The following AHI1 variants were observed in gnomAD, a reference collection of about 807,000 sequenced individuals.
AHI1 encodes the protein jouberin.
In AHI1, 123 loss-of-function variants were observed where a neutral mutation model predicts 149.3. The ratio of observed to expected loss-of-function variants is 0.82; its 90% CI spans 0.71 to 0.96. AHI1 has a LOEUF of 0.96. Among genes scored for constraint, AHI1 ranks in the 40% least tolerant of loss-of-function variants. The pLI is 0.00. For synonymous variants in AHI1, 475 were observed against 459.8 expected, an observed-to-expected ratio of 1.03 and a Z score of -0.42; for missense variants, 1,439 against 1,422.7, an observed-to-expected ratio of 1.01 and a Z score of -0.18.
At chr6:135,356,907 A>G (rs1002689810) in intron 24 of AHI1, among the ~76,000 whole-genome samples, 2 of 152,196 alleles carry the variant, frequency 1.3e-5, no homozygotes, top group African/African-American at 4.8e-5. Context: ...GCATATATTA[A>G]TCATCAACAC....
chr6:135,374,296 T>G (rs552473349), intron 23 of AHI1, among the ~76,000 whole-genome samples: 1 of 151,314 alleles, frequency 6.6e-6, no homozygotes, highest in Non-Finnish European at 1.5e-5. Context: ...GTATTTTTAG[T>G]AGAGACGGGG....
intron 25 of AHI1, among the ~76,000 whole-genome samples, chr6:135,320,207 C>T (rs984647213): frequency 2.6e-5 from 4 of 151,722 alleles, no homozygotes; most frequent in African/African-American, 9.7e-5. Context: ...TCATTACAGT[C>T]GCAGATTTTT....
At chr6:135,369,084 C>CAAGA (rs796511446) in intron 23 of AHI1, among the ~76,000 whole-genome samples, 17 of 152,320 alleles carry the variant, frequency 1.1e-4, no homozygotes, top group African/African-American at 4.1e-4. Context: ...ACCAAGAGTG[C>CAAGA]CCACAGGGCT....
intron 23 of AHI1, among the ~76,000 whole-genome samples, chr6:135,392,548 C>T (rs748336283): frequency 3.3e-5 from 5 of 152,116 alleles, no homozygotes; most frequent in Non-Finnish European, 7.4e-5. Flanking sequence ...AGGCAAATAT[C>T]GACAGATGTG....
rs758409366 is a variant in AHI1 at position 135,387,787 on chromosome 6, C to T, written c.3109+6989G>A. ...AAAAAATCAAAAAAGCCTCCCATAA[C>T]CTCATACTGTTTATTCTCCCAATAT... is the stretch of plus-strand genomic sequence containing the variant. On this transcript the variant is annotated intron_variant, in intron 23 of 28. Transcript: ENST00000265602. 1.3e-4 allele frequency: 168 copies of T among 1,313,798 alleles called. 1 individual carries two copies. The highest frequency in any genetic ancestry group is 1.6e-4 in the Non-Finnish European group (160 of 1,029,866). The allele number at this position is 1,313,798 out of a possible 1,614,324, so 81.4% of individuals were successfully genotyped here.
chr6:135,454,108 C>CT (rs960419622), intron 10 of AHI1, among the ~76,000 whole-genome samples: 1 of 151,996 alleles, frequency 6.6e-6, no homozygotes, highest in Non-Finnish European at 1.5e-5. Flanking sequence ...ATACCTAAAT[C>CT]TTTTTTACAG....
At chr6:135,396,683 G>C (rs1470835243) in intron 22 of AHI1, among the ~76,000 whole-genome samples, 1 of 151,552 alleles carries the variant, frequency 6.6e-6, no homozygotes, top group Non-Finnish European at 1.5e-5. Flanking sequence ...ACTTCTTTTT[G>C]GAATCATTTC....
At chr6:135,371,301 A>G in intron 23 of AHI1, among the ~76,000 whole-genome samples, 1 of 152,204 alleles carries the variant, frequency 6.6e-6, no homozygotes, top group Non-Finnish European at 1.5e-5. Context: ...TTGGATAAGA[A>G]ACCCTTTATC....
intron 20 of AHI1, among the ~76,000 whole-genome samples, chr6:135,414,983 G>T (rs1172071225): frequency 1.9e-5 from 2 of 107,978 alleles, no homozygotes; most frequent in Non-Finnish European, 3.5e-5. Context: ...CCCACAACAG[G>T]CCCCAGAGTG....
chr6:135,391,783 C>T (rs1002393451), intron 23 of AHI1, among the ~76,000 whole-genome samples: 9 of 152,172 alleles, frequency 5.9e-5, no homozygotes. Flanking sequence ...AGGGCTACTG[C>T]AGTAGGTACA....
chr6:135,344,708 CTCTT>C lies in AHI1; in HGVS notation c.3165+13420_3165+13423del, dbSNP rs1278331315. On this transcript the variant is annotated intron_variant, in intron 24 of 28. Coordinates refer to ENST00000265602, the MANE Select transcript of AHI1 (RefSeq NM_001134831.2). ...TCCTTTTCTTTCTTTTTCTTTCTCT[CTCTT>C]TCTTTCCTTTTCTTTCTTTCCCTTC... Among the ~76,000 whole-genome samples, 12 of 143,676 alleles carry C rather than the reference CTCTT, an allele frequency of 8.4e-5. No homozygotes were observed. In the South Asian group the frequency reaches 1.6e-3, roughly 19 times the overall value. The allele number at this position is 143,676 out of a possible 152,430, so 94.3% of individuals were successfully genotyped here.
chr6:135,464,207 A>G (rs1417794537), intron 7 of AHI1, among the ~76,000 whole-genome samples: 1 of 152,200 alleles, frequency 6.6e-6, no homozygotes, highest in Non-Finnish European at 1.5e-5. Flanking sequence ...GGTTGAGGAA[A>G]GTAAGACTAG....
chr6:135,463,734 A>G (rs1031550042), intron 7 of AHI1, among the ~76,000 whole-genome samples: 2 of 151,900 alleles, frequency 1.3e-5, no homozygotes, highest in African/African-American at 4.8e-5. Context: ...CACATGCACA[A>G]CTTTTGATTT....
intron 24 of AHI1, among the ~76,000 whole-genome samples, chr6:135,351,135 C>CAAAAAAA (rs1183574427): frequency 6.1e-5 from 8 of 131,356 alleles, no homozygotes; most frequent in African/African-American, 2.0e-4. Flanking sequence ...AAACAAAAAA[C>CAAAAAAA]AAAAAAAACA....
chr6:135,374,102 ATATATATTTTTTTT>A (rs1290156027), intron 23 of AHI1, among the ~76,000 whole-genome samples: 35 of 43,584 alleles, frequency 8.0e-4, no homozygotes, highest in African/African-American at 3.4e-3. Flanking sequence ...ATATATATAT[ATATATATTTTTTTT>A]TTTTTTTTTT....
rs1444567539 is a variant in AHI1, at chr6:135,411,345, T to C, written c.2961+3A>G. On this transcript the variant is annotated splice_donor_region_variant and intron_variant, in intron 21 of 28. Coordinates refer to ENST00000265602, the MANE Select transcript of AHI1 (RefSeq NM_001134831.2). Reference sequence around the variant, plus strand: ...AAGTTTCAACTGCATAAAATAAACTTACTGTGACAGTTTCAAGCCTCTGTT... The same window carrying C: ...AAGTTTCAACTGCATAAAATAAACTCACTGTGACAGTTTCAAGCCTCTGTT... The C allele has an allele frequency of 1.2e-6, 2 of 1,612,598 alleles. No individual in the cohort carries two copies. Among genetic ancestry groups the C allele is most frequent in the Non-Finnish European group, 8.5e-7 (1 of 1,178,772 alleles).
intron 5 of AHI1, among the ~76,000 whole-genome samples, chr6:135,479,647 C>T (rs1234522997): frequency 6.6e-6 from 1 of 152,024 alleles, no homozygotes; most frequent in African/African-American, 2.4e-5. Flanking sequence ...AGATTTTGGA[C>T]TGTGGAATTT....
chr6:135,444,881 G>A (rs1472491254), intron 13 of AHI1, among the ~76,000 whole-genome samples: 1 of 152,170 alleles, frequency 6.6e-6, no homozygotes, highest in Non-Finnish European at 1.5e-5. Context: ...AAAAGAAGTT[G>A]ACTTCAAGAA....
Position 135,455,879 on chromosome 6 carries a change from A to G in AHI1, c.1199T>C (p.Ile400Thr), listed in dbSNP as rs1295599195. Residue 400 changes from isoleucine (I) to threonine (T), a missense_variant, in exon 10 of 29, where the codon ATT (isoleucine) becomes ACT (threonine). By Grantham distance (89) the Ile-to-Thr change is moderately conservative. Coordinates refer to ENST00000265602, the MANE Select transcript of AHI1 (RefSeq NM_001134831.2). ...ATATGGCTGGGTCATAATAGGAAGA[A>G]TATAATCCACATTCTCTTTTTCATA... The part of the protein sequence containing the change: ...SYYEKENVDY[I>T]LPIMTQPYDF... The G allele has an allele frequency of 6.4e-7, 1 of 1,563,956 alleles. No homozygotes were observed. Among genetic ancestry groups the G allele is most frequent in the East Asian group, 2.3e-5 (1 of 44,062 alleles).
Sources: allele counts gnomAD v4.1 joint callset (sites outside exome capture counted in the v4.1 genomes callset), GRCh38; gene constraint gnomAD v4.1.1; transcripts MANE v1.5; gene names NCBI Gene and HGNC (gene_info 2026-07-23, HGNC 2026-07-21).